The following DGKI variants were observed in gnomAD, a reference collection of about 807,000 sequenced individuals.
DGKI encodes the protein DAG kinase iota.
In DGKI, 55 loss-of-function variants were observed where a neutral mutation model predicts 147.5. That is an observed-to-expected ratio of 0.37 (90% confidence interval 0.30 to 0.47). The LOEUF is 0.47. Among genes scored for constraint, DGKI ranks in the 20% least tolerant of loss-of-function variants. The pLI, the probability that DGKI is intolerant of heterozygous loss-of-function variation, is 1.00. For synonymous variants in DGKI, 469 were observed against 477.1 expected (o/e 0.98, Z 0.22); for missense variants, 1,007 against 1,323.8 (o/e 0.76, Z 3.71).
At chr7:137,455,621 A>C (rs1225389698) in intron 27 of DGKI, among the ~76,000 whole-genome samples, 2 of 99,160 alleles carry the variant, frequency 2.0e-5, no homozygotes, top group Admixed American at 1.3e-4. Context: ...ACAATCATCC[A>C]GAAAAGTTAA....
chr7:137,425,926 G>T (rs1399129105), intron 28 of DGKI, among the ~76,000 whole-genome samples: 1 of 152,310 alleles, frequency 6.6e-6, no homozygotes, highest in South Asian at 2.1e-4. Flanking sequence ...CGTCTGATTG[G>T]TGTATCTGAA....
At chr7:137,746,263 G>A (rs1039484262) in intron 1 of DGKI, among the ~76,000 whole-genome samples, 1 of 152,144 alleles carries the variant, frequency 6.6e-6, no homozygotes, top group African/African-American at 2.4e-5. Context: ...TTGGGTGATG[G>A]AGCTGGACCT....
chr7:137,622,151 C>T (rs1198195549), intron 7 of DGKI, among the ~76,000 whole-genome samples: 1 of 152,096 alleles, frequency 6.6e-6, no homozygotes, highest in African/African-American at 2.4e-5. Context: ...TTCCAGACCA[C>T]CGAGTCTCTA....
chr7:137,524,184 G>C (rs1456832076), intron 20 of DGKI, among the ~76,000 whole-genome samples: 4 of 152,096 alleles, frequency 2.6e-5, no homozygotes, highest in African/African-American at 9.7e-5. Flanking sequence ...TATTCATTTA[G>C]AGGGAAGTGT....
At chr7:137,471,658 C>T (rs2128928902) in intron 23 of DGKI, among the ~76,000 whole-genome samples, 1 of 151,946 alleles carries the variant, frequency 6.6e-6, no homozygotes, top group South Asian at 2.1e-4. Context: ...CCTAAAGTTA[C>T]CGAACAAAAG....
At chr7:137,558,178 C>T (rs1413703480) in intron 19 of DGKI, among the ~76,000 whole-genome samples, 1 of 152,218 alleles carries the variant, frequency 6.6e-6, no homozygotes, top group East Asian at 1.9e-4. Flanking sequence ...TTTGACACAA[C>T]ATTTTACAAG....
intron 28 of DGKI, among the ~76,000 whole-genome samples, chr7:137,430,506 T>C (rs1813024573): frequency 6.6e-6 from 1 of 152,116 alleles, no homozygotes; most frequent in Admixed American, 6.5e-5. Flanking sequence ...TATACATATG[T>C]AACTAACCTG....
At chr7:137,800,061 C>G (rs1797150169) in intron 1 of DGKI, among the ~76,000 whole-genome samples, 1 of 152,084 alleles carries the variant, frequency 6.6e-6, no homozygotes. Context: ...TTAGGACAAC[C>G]AGGACCTTTT....
At chr7:137,580,841 ACAC>A (rs1819162095) in intron 15 of DGKI, among the ~76,000 whole-genome samples, 1 of 152,120 alleles carries the variant, frequency 6.6e-6, no homozygotes, top group African/African-American at 2.4e-5. Context: ...AAAATTCTAA[ACAC>A]CACTTCCTTT....
chr7:137,722,483 A>G, intron 1 of DGKI: 1 of 1,610,800 alleles, frequency 6.2e-7, no homozygotes, highest in South Asian at 1.1e-5. Flanking sequence ...GTTTTCCTGA[A>G]GCAGCTGGCT....
chr7:137,507,756 A>G (rs1053784706), intron 21 of DGKI, among the ~76,000 whole-genome samples: 1 of 152,112 alleles, frequency 6.6e-6, no homozygotes, highest in African/African-American at 2.4e-5. Context: ...ACAGAATTGG[A>G]GGAGGAGGGG....
chr7:137,509,879 T>C (rs918475702), intron 21 of DGKI, among the ~76,000 whole-genome samples: 1 of 152,140 alleles, frequency 6.6e-6, no homozygotes, highest in African/African-American at 2.4e-5. Flanking sequence ...CTTTTCTTTT[T>C]CTCTTTCCAA....
At chr7:137,709,157 T>C (rs1563160729) in intron 1 of DGKI, among the ~76,000 whole-genome samples, 1 of 152,190 alleles carries the variant, frequency 6.6e-6, no homozygotes. Context: ...AAAATATTTG[T>C]TTTTAAAGCT....
chr7:137,416,101 GAGAA>G (rs1049150338), intron 28 of DGKI, among the ~76,000 whole-genome samples: 5 of 152,120 alleles, frequency 3.3e-5, no homozygotes, highest in Non-Finnish European at 7.4e-5. Flanking sequence ...GAGAGAAACA[GAGAA>G]AGAAAGGAGA....
chr7:137,687,784 G>A (rs563233573), intron 2 of DGKI, among the ~76,000 whole-genome samples: 1 of 152,260 alleles, frequency 6.6e-6, no homozygotes, highest in African/African-American at 2.4e-5. Flanking sequence ...TCTCAAGGAA[G>A]GGCTTTCGGT....
chr7:137,482,449 C>G (rs1266759466), intron 23 of DGKI, among the ~76,000 whole-genome samples: 1 of 151,906 alleles, frequency 6.6e-6, no homozygotes, highest in Non-Finnish European at 1.5e-5. Flanking sequence ...TAGTTTTAAG[C>G]ACCATTCATC....
At chr7:137,449,774 T>C (rs1344634550) in intron 27 of DGKI, among the ~76,000 whole-genome samples, 1 of 152,076 alleles carries the variant, frequency 6.6e-6, no homozygotes, top group Admixed American at 6.5e-5. Flanking sequence ...ATAAGGTAAA[T>C]ATTAAAAGTA....
chr7:137,647,603 G>A (rs1045428730), intron 5 of DGKI, among the ~76,000 whole-genome samples: 7 of 152,106 alleles, frequency 4.6e-5, no homozygotes, highest in Admixed American at 1.3e-4. Context: ...AGAAAGTGAC[G>A]GCAATTCTAG....
At chr7:137,547,146 A>G (rs1817892585) in intron 20 of DGKI, among the ~76,000 whole-genome samples, 1 of 152,384 alleles carries the variant, frequency 6.6e-6, no homozygotes, top group South Asian at 2.1e-4. Context: ...ATTGGCTATC[A>G]GGTAACTAGC....
Sources: gnomAD v4.1 joint callset for allele counts (sites outside exome capture counted in the v4.1 genomes callset) on GRCh38, gnomAD v4.1.1 for gene constraint, MANE v1.5 for transcripts, NCBI Gene and HGNC (gene_info 2026-07-23, HGNC 2026-07-21) for gene names.